CCDC3: variants seen among roughly 807,000 people sequenced by gnomAD.
The protein encoded by CCDC3 is coiled-coil domain-containing protein 3.
Under a neutral mutation model 21.4 loss-of-function variants are expected in CCDC3, and 24 were observed. The observed-to-expected ratio is 1.12, with a 90% confidence interval of 0.81 to 1.58. The LOEUF is 1.58. Among genes scored for constraint, CCDC3 ranks in the 40% most tolerant of loss-of-function variants. The probability of loss-of-function intolerance (pLI) is 0.00; values close to 1 mark genes in which losing one functional copy is unlikely to be tolerated. For synonymous variants in CCDC3, 186 were observed against 166.0 expected (o/e 1.12, Z -0.93); for missense variants, 425 against 360.9 (o/e 1.18, Z -1.44).
At chr10:13,098,140 C>T (rs985834055) in intron 3 of CCDC3, among the ~76,000 whole-genome samples, 1 of 151,850 alleles carries the variant, frequency 6.6e-6, no homozygotes, top group African/African-American at 2.4e-5. Context: ...CCCACCCCGA[C>T]CCCACCACTG....
chr10:12,997,290 T>A (rs1232596134), intron 2 of CCDC3, among the ~76,000 whole-genome samples: 1 of 150,384 alleles, frequency 6.6e-6, no homozygotes, highest in African/African-American at 2.4e-5. Context: ...ACATCAGAAC[T>A]CTCTCTCCAG....
At chr10:12,925,375 TA>T (rs371707230) in intron 2 of CCDC3, among the ~76,000 whole-genome samples, 7,820 of 152,330 alleles carry the variant, frequency 0.051, 312 homozygotes, top group African/African-American at 0.11. Flanking sequence ...TTTCCCTCTT[TA>T]AAGTCCTTTG....
chr10:12,932,115 T>C (rs1359663600), intron 2 of CCDC3, among the ~76,000 whole-genome samples: 2 of 152,232 alleles, frequency 1.3e-5, no homozygotes, highest in African/African-American at 2.4e-5. Flanking sequence ...TTTGTAGTTT[T>C]CCTCATGTAG....
At chr10:12,958,322 A>G (rs2580890) in intron 2 of CCDC3, among the ~76,000 whole-genome samples, 151,703 of 152,184 alleles carry the variant, frequency 1, 75,615 homozygotes, top group Middle Eastern at 1. Context: ...CTGCAACCTG[A>G]CACCATGAGG....
chr10:13,018,991 T>C (rs1836108563), intron 5 of CCDC3, among the ~76,000 whole-genome samples: 1 of 151,784 alleles, frequency 6.6e-6, no homozygotes, highest in Non-Finnish European at 1.5e-5. Flanking sequence ...CCCAGCACTT[T>C]GGGAGGCCGA....
chr10:12,940,007 C>T (rs148821887), intron 2 of CCDC3, among the ~76,000 whole-genome samples: 308 of 152,286 alleles, frequency 2.0e-3, no homozygotes, highest in African/African-American at 7.2e-3. Context: ...ATTAAATGCC[C>T]ATTCTAGGGC....
intron 2 of CCDC3, among the ~76,000 whole-genome samples, chr10:12,989,235 T>G (rs755950784): frequency 1.3e-5 from 2 of 152,144 alleles, no homozygotes; most frequent in Non-Finnish European, 2.9e-5. Context: ...CTGGGCCACA[T>G]ACTGAGGTCA....
intron 3 of CCDC3, among the ~76,000 whole-genome samples, chr10:13,075,892 AAT>A (rs1407857422): frequency 1.3e-5 from 2 of 152,022 alleles, no homozygotes; most frequent in African/African-American, 2.4e-5. Flanking sequence ...CTACTAAAAA[AAT>A]AAAATAAAAT....
At chr10:12,932,079 A>C (rs922613173) in intron 2 of CCDC3, among the ~76,000 whole-genome samples, 1 of 152,190 alleles carries the variant, frequency 6.6e-6, no homozygotes, top group African/African-American at 2.4e-5. Flanking sequence ...CCATTTGTTT[A>C]GTTCTTTAAT....
intron 2 of CCDC3, among the ~76,000 whole-genome samples, chr10:12,899,314 A>AC (rs1834058919): frequency 2.0e-5 from 3 of 152,354 alleles, no homozygotes; most frequent in African/African-American, 7.2e-5. Context: ...ACTATTTTTC[A>AC]CATATTAGAT....
chr10:13,056,751 A>G (rs555395750), intron 4 of CCDC3, among the ~76,000 whole-genome samples: 1 of 152,360 alleles, frequency 6.6e-6, no homozygotes, highest in East Asian at 1.9e-4. Context: ...TTAGTACTCT[A>G]GAATTTTCAT....
intron 2 of CCDC3, among the ~76,000 whole-genome samples, chr10:12,911,302 T>G (rs538730144): frequency 1.3e-5 from 2 of 152,334 alleles, no homozygotes; most frequent in Non-Finnish European, 2.9e-5. Context: ...ACTCTATCTC[T>G]GGTTTTTACT....
intron 4 of CCDC3, among the ~76,000 whole-genome samples, chr10:13,066,872 G>C (rs1836826054): frequency 6.6e-6 from 1 of 151,906 alleles, no homozygotes; most frequent in South Asian, 2.1e-4. Context: ...GAGTTTTTTT[G>C]TTTTTTTCCC....
intron 2 of CCDC3, among the ~76,000 whole-genome samples, chr10:12,997,576 C>T (rs1835782009): frequency 6.6e-6 from 1 of 152,216 alleles, no homozygotes; most frequent in Admixed American, 6.5e-5. Context: ...CTATGTCTTA[C>T]CAACTATAGT....
At chr10:13,059,060 G>A (rs567889520) in intron 4 of CCDC3, among the ~76,000 whole-genome samples, 2 of 152,222 alleles carry the variant, frequency 1.3e-5, no homozygotes, top group Non-Finnish European at 2.9e-5. Context: ...AAGGGAGTGT[G>A]GCAGACAAAC....
chr10:12,992,294 G>A (rs1835694038), intron 2 of CCDC3, among the ~76,000 whole-genome samples: 1 of 152,068 alleles, frequency 6.6e-6, no homozygotes, highest in African/African-American at 2.4e-5. Flanking sequence ...GGGGGCTGAG[G>A]CATGAGAATC....
intron 2 of CCDC3, 71 bp downstream of exon 2, chr10:12,998,267 G>C (rs1039427960): frequency 1.3e-6 from 2 of 1,513,528 alleles, no homozygotes; most frequent in African/African-American, 2.8e-5. Flanking sequence ...TGATTCCTTT[G>C]GTCACAAAAT....
At chr10:12,959,448 A>C (rs1004887786) in intron 2 of CCDC3, among the ~76,000 whole-genome samples, 2 of 152,116 alleles carry the variant, frequency 1.3e-5, no homozygotes, top group African/African-American at 4.8e-5. Context: ...GATTACAGTC[A>C]TGAGGCACCG....
At chr10:12,992,381 T>G (rs1835695104) in intron 2 of CCDC3, among the ~76,000 whole-genome samples, 1 of 151,800 alleles carries the variant, frequency 6.6e-6, no homozygotes, top group African/African-American at 2.4e-5. Flanking sequence ...AGACCAAGAC[T>G]CCATCTCAAA....
Sources: gnomAD v4.1 joint callset for allele counts (sites outside exome capture counted in the v4.1 genomes callset) on GRCh38, gnomAD v4.1.1 for gene constraint, MANE v1.5 for transcripts, NCBI Gene and HGNC (gene_info 2026-07-23, HGNC 2026-07-21) for gene names.